CBLN2: variants seen among roughly 807,000 people sequenced by gnomAD.
The protein encoded by CBLN2 is cerebellin-2.
Under a neutral mutation model 15.0 loss-of-function variants are expected in CBLN2, and 7 were observed. The ratio of observed to expected loss-of-function variants is 0.47; its 90% confidence interval spans 0.27 to 0.88. CBLN2 has a LOEUF of 0.88. CBLN2 is among the 40% of genes least tolerant of loss of function. The pLI is 0.14. For synonymous variants in CBLN2, 149 were observed against 135.2 expected (o/e 1.10, Z -0.71); for missense variants, 242 against 304.5 (o/e 0.79, Z 1.53).
At chr18:72,555,135 TA>T (rs531715316) in intron 1 of CBLN2, among the ~76,000 whole-genome samples, 1 of 148,054 alleles carries the variant, frequency 6.8e-6, no homozygotes, top group South Asian at 2.1e-4. Context: ...ATTCTGTCTT[TA>T]AAAAAAGAAA....
chr18:72,538,413 C>A, intron 4 of CBLN2, 40 bp from the exon 5 acceptor site: 9 of 1,598,514 alleles, frequency 5.6e-6, no homozygotes, highest in Non-Finnish European at 7.7e-6. Flanking sequence ...CCATAAAGCA[C>A]CCAACTCCCA....
intron 1 of CBLN2, among the ~76,000 whole-genome samples, chr18:72,566,280 T>C (rs2069294492): frequency 2.0e-5 from 3 of 152,142 alleles, no homozygotes; most frequent in Admixed American, 2.0e-4. Flanking sequence ...ATATTAAAAA[T>C]AGAACTACCA....
chr18:72,574,092 G>A (rs1286793768), intron 1 of CBLN2, among the ~76,000 whole-genome samples: 1 of 151,912 alleles, frequency 6.6e-6, no homozygotes, highest in East Asian at 1.9e-4. Flanking sequence ...TCTTTGATGA[G>A]GTGTCTGTTT....
chr18:72,575,950 T>C (rs2144912127), intron 1 of CBLN2, among the ~76,000 whole-genome samples: 1 of 152,322 alleles, frequency 6.6e-6, no homozygotes, highest in Non-Finnish European at 1.5e-5. Context: ...TATAGCACCC[T>C]TTAGCCCTTA....
intron 1 of CBLN2, among the ~76,000 whole-genome samples, chr18:72,589,985 TAGTC>T (rs2144928968): frequency 6.7e-6 from 1 of 150,174 alleles, no homozygotes; most frequent in South Asian, 2.1e-4. Flanking sequence ...ATACAAAAAT[TAGTC>T]AGGCACGGTG....
intron 1 of CBLN2, among the ~76,000 whole-genome samples, chr18:72,578,917 T>C (rs967232108): frequency 2.1e-4 from 32 of 152,226 alleles, no homozygotes; most frequent in Admixed American, 4.6e-4. Context: ...TTTCAATTCT[T>C]CTAAACAGTG....
intron 1 of CBLN2, among the ~76,000 whole-genome samples, chr18:72,607,228 C>T (rs1050069177): frequency 6.6e-6 from 1 of 152,130 alleles, no homozygotes; most frequent in African/African-American, 2.4e-5. Context: ...TTTTGGATTT[C>T]CAGGCTCCAG....
At chr18:72,621,882 T>C (rs1192802052) in intron 1 of CBLN2, among the ~76,000 whole-genome samples, 1 of 152,134 alleles carries the variant, frequency 6.6e-6, no homozygotes, top group Non-Finnish European at 1.5e-5. Context: ...AAAAAACAGT[T>C]TTTCAGTTGA....
chr18:72,587,423 T>C (rs2069451098), intron 1 of CBLN2, among the ~76,000 whole-genome samples: 1 of 152,164 alleles, frequency 6.6e-6, no homozygotes, highest in Non-Finnish European at 1.5e-5. Flanking sequence ...GGACTGTTTA[T>C]TCTTTTTATG....
intron 1 of CBLN2, among the ~76,000 whole-genome samples, chr18:72,575,357 G>A (rs1007259820): frequency 3.9e-5 from 6 of 152,056 alleles, no homozygotes; most frequent in African/African-American, 1.4e-4. Flanking sequence ...TTAAGACAGG[G>A]ATATTTTGGA....
intron 1 of CBLN2, among the ~76,000 whole-genome samples, chr18:72,565,056 G>C (rs1337389122): frequency 6.6e-6 from 1 of 152,186 alleles, no homozygotes; most frequent in African/African-American, 2.4e-5. Context: ...CTTCATAAAT[G>C]AAGTAGAAAT....
intron 1 of CBLN2, among the ~76,000 whole-genome samples, chr18:72,570,130 TA>T: frequency 6.6e-6 from 1 of 152,236 alleles, no homozygotes; most frequent in East Asian, 1.9e-4. Flanking sequence ...AGAGGAATTA[TA>T]GATTTTGTGA....
Position 72,538,495 on chromosome 18 carries a change from G to A in CBLN2, c.478-122C>T, listed in dbSNP as rs2144858610. The stretch of plus-strand genomic sequence containing the variant: ...TTCCCTTAGAGTACACATCAGGGGA[G>A]CCTGACAGTGAGCACTCCCAGCTAG... On this transcript the variant is annotated intron_variant, in intron 4 of 4. Coordinates refer to ENST00000269503, the MANE Select transcript of CBLN2 (RefSeq NM_182511.4). The A allele has an allele frequency of 2.8e-6, 4 of 1,409,198 alleles. No homozygotes were observed. In the South Asian group the frequency reaches 5.0e-5, roughly 18 times the overall value. 87.3% of individuals were successfully genotyped at this position (1,409,198 alleles called of 1,614,324 possible). A position where few individuals can be genotyped will look rare whatever the true frequency, so the allele number is the denominator to read the frequency against.
upstream of CBLN2, chr18:72,544,492 C>T (rs1397066795): frequency 1.3e-5 from 2 of 152,240 alleles, no homozygotes; most frequent in South Asian, 4.1e-4. Flanking sequence ...TGCGGGTGCC[C>T]GGGCCTCCCT....
At chr18:72,620,119 T>C (rs945932985) in intron 1 of CBLN2, 17 of 152,308 alleles carry the variant, frequency 1.1e-4, no homozygotes, top group African/African-American at 3.9e-4. Flanking sequence ...CCCCAGAGGG[T>C]GTGCCACAAT....
intron 1 of CBLN2, among the ~76,000 whole-genome samples, chr18:72,607,695 T>TCTCTCTCTC (rs1568130257): frequency 2.6e-5 from 3 of 115,110 alleles, no homozygotes; most frequent in African/African-American, 1.5e-4. Context: ...CTCTCTCTCT[T>TCTCTCTCTC]TCTCTCTTTC....
At chr18:72,620,323 G>T (rs1024263577) in intron 1 of CBLN2, 1 of 152,180 alleles carries the variant, frequency 6.6e-6, no homozygotes. Context: ...GAGGTAGCAG[G>T]AACAAATTGA....
intron 1 of CBLN2, among the ~76,000 whole-genome samples, chr18:72,575,749 G>T (rs138315909): frequency 7.0e-4 from 106 of 152,236 alleles, no homozygotes; most frequent in African/African-American, 2.4e-3. Context: ...AAGGGCCAGG[G>T]GTAGGACTTG....
intron 1 of CBLN2, among the ~76,000 whole-genome samples, chr18:72,596,941 G>C (rs2069517529): frequency 6.6e-6 from 1 of 152,064 alleles, no homozygotes; most frequent in African/African-American, 2.4e-5. Flanking sequence ...TCTTGTACTT[G>C]AATGTTGATA....
Sources: allele counts gnomAD v4.1 joint callset (sites outside exome capture counted in the v4.1 genomes callset), GRCh38; gene constraint gnomAD v4.1.1; transcripts MANE v1.5; gene names NCBI Gene and HGNC (gene_info 2026-07-23, HGNC 2026-07-21).